PTGES3L: variants seen among roughly 807,000 people sequenced by gnomAD.
The protein encoded by PTGES3L is putative protein PTGES3L.
In PTGES3L, 17 loss-of-function variants were observed where a neutral mutation model predicts 25.0. The observed-to-expected ratio is 0.68, with a 90% CI of 0.47 to 1.02. The LOEUF (loss-of-function observed/expected upper bound fraction) is 1.02. PTGES3L is among the 50% of genes least tolerant of loss of function. PTGES3L has a pLI of 0.00. For synonymous variants in PTGES3L, 59 were observed against 65.7 expected (o/e 0.90, Z 0.50); for missense variants, 202 against 197.5 (o/e 1.02, Z -0.14).
At position 42,969,191 on chromosome 17, in the gene PTGES3L, GGGC is replaced by G. The variant is rs377589025; in HGVS notation, c.433-8_433-6del. 16,250 of 601,994 alleles carry G rather than the reference GGGC, an allele frequency of 0.027. 185 individuals carry two copies. Among genetic ancestry groups the G allele is most frequent in the African/African-American group, 0.073 (1,367 of 18,616 alleles). The allele number at this position is 601,994 out of a possible 1,614,324, so 37.3% of individuals were successfully genotyped here. On this transcript the variant is annotated splice_polypyrimidine_tract_variant and splice_region_variant and intron_variant, in intron 6 of 6. Transcript: ENST00000591916. ...ATCAGCACTGTCAGAATCATCCTGG[GGGC>G]GGGGGGGAAAAAAGACAAAGCACCT...
rs1323510717 is a variant in PTGES3L, at chr17:42,979,984, C to A, written c.8+62G>T. 38 of 1,507,780 alleles carry A rather than the reference C, an allele frequency of 2.5e-5. 1 individual carries two copies. In the Admixed American group the frequency reaches 8.3e-4, roughly 33 times the overall value. The allele number at this position is 1,507,780 out of a possible 1,614,324, so 93.4% of individuals were successfully genotyped here. On this transcript the variant is annotated intron_variant, in intron 1 of 6. Coordinates refer to ENST00000591916, the MANE Select transcript of PTGES3L (RefSeq NM_001261430.2). ...CACAGAACCTGGAGCGCCCAGAAGA[C>A]TTGGAGCAGGGAATCTCCAGGGAAA...
At chr17:42,973,668 G>A (rs2049900522) in intron 4 of PTGES3L, among the ~76,000 whole-genome samples, 1 of 148,664 alleles carries the variant, frequency 6.7e-6, no homozygotes, top group South Asian at 2.1e-4. Context: ...CTTCTGCCTT[G>A]GGATCCTGTT....
At chr17:42,973,604 T>C (rs1338750283) in intron 4 of PTGES3L, among the ~76,000 whole-genome samples, 3 of 151,106 alleles carry the variant, frequency 2.0e-5, no homozygotes, top group Non-Finnish European at 3.0e-5. Context: ...CGTGTCTGTG[T>C]AGAAAGAAGT....
chr17:42,974,065 A>G, intron 4 of PTGES3L, among the ~76,000 whole-genome samples: 1 of 152,144 alleles, frequency 6.6e-6, no homozygotes, highest in East Asian at 1.9e-4. Flanking sequence ...CCAATAAGAC[A>G]GACAAGCTGC....
In PTGES3L at chr17:42,969,195, G is replaced by A. The variant is rs771367214; in HGVS notation, c.433-9C>T. 3.3e-5 allele frequency: 42 copies of A among 1,292,018 alleles called. No homozygotes were observed. Among genetic ancestry groups the A allele is most frequent in the Admixed American group, 8.5e-5 (3 of 35,294 alleles). 80.0% of individuals were successfully genotyped at this position (1,292,018 alleles called of 1,614,324 possible). ...GCACTGTCAGAATCATCCTGGGGGC[G>A]GGGGGGAAAAAAGACAAAGCACCTG... On this transcript the variant is annotated splice_polypyrimidine_tract_variant and intron_variant, in intron 6 of 6. Transcript: ENST00000591916.
intron 4 of PTGES3L, among the ~76,000 whole-genome samples, chr17:42,973,933 T>C (rs1308401972): frequency 1.5e-5 from 2 of 137,750 alleles, no homozygotes; most frequent in Non-Finnish European, 3.1e-5. Flanking sequence ...TTCCCTCCAC[T>C]ATTGTCCCAT....
At chr17:42,978,088 A>AAAAAAC (rs2049993956) in intron 4 of PTGES3L, among the ~76,000 whole-genome samples, 1 of 150,110 alleles carries the variant, frequency 6.7e-6, no homozygotes, top group Non-Finnish European at 1.5e-5. Flanking sequence ...AAAAAAAAAA[A>AAAAAAC]AAAAAAAAAA....
At chr17:42,972,127 G>C (rs559908272) in intron 4 of PTGES3L, 1 of 168,064 alleles carries the variant, frequency 6.0e-6, no homozygotes, top group Non-Finnish European at 1.2e-5. Context: ...GGCGGAGGTC[G>C]CAGTGAGCCA....
chr17:42,975,801 G>T (rs548421277), intron 4 of PTGES3L, among the ~76,000 whole-genome samples: 1 of 132,924 alleles, frequency 7.5e-6, no homozygotes, highest in Non-Finnish European at 1.6e-5. Context: ...CTCAGCCTCC[G>T]GAGCAGCTGG....
chr17:42,971,485 T>C, intron 5 of PTGES3L, 122 bp downstream of exon 5: 1 of 968,648 alleles, frequency 1.0e-6, no homozygotes, highest in South Asian at 1.6e-5. Context: ...CATCAATGAG[T>C]AACCTGCCTA....
At chr17:42,970,122 TC>T (rs1028545271) in intron 6 of PTGES3L, among the ~76,000 whole-genome samples, 166 bp downstream of exon 6, 4 of 151,818 alleles carry the variant, frequency 2.6e-5, no homozygotes, top group African/African-American at 9.7e-5. Context: ...GTGAAACTCC[TC>T]CCCCACCCCC....
chr17:42,971,491 G>A, intron 5 of PTGES3L, 116 bp downstream of exon 5: 1 of 1,076,524 alleles, frequency 9.3e-7, no homozygotes, highest in Non-Finnish European at 1.4e-6. Context: ...TGAGTAACCT[G>A]CCTAGAGAGC....
Position 42,970,295 on chromosome 17 carries a change from A to C in PTGES3L, c.426T>G (p.Asp142Glu). The C allele has an allele frequency of 6.2e-7, 1 of 1,613,926 alleles. No homozygotes were observed. ...AGGGGAAGGCTTTACTTACATCCAA[A>C]TCATCCATGGCAGGTGGAGGTCTCT... The part of the protein sequence containing the change: ...STKRPPPAMD[D>E]LDDDSDSADD... Residue 142 changes from aspartate (D) to glutamate (E), a missense_variant, in exon 6 of 7, where the codon GAT becomes GAG. Asp to Glu is a conservative substitution (Grantham distance 45). Coordinates refer to ENST00000591916, the MANE Select transcript of PTGES3L (RefSeq NM_001261430.2).
chr17:42,970,676 G>GCACGCACA (rs1555565365), intron 5 of PTGES3L, among the ~76,000 whole-genome samples: 1 of 144,092 alleles, frequency 6.9e-6, no homozygotes, highest in Non-Finnish European at 1.5e-5. Context: ...CTTAACACGC[G>GCACGCACA]CACACACACA....
At chr17:42,978,876 T>C (rs2050015224) in intron 4 of PTGES3L, among the ~76,000 whole-genome samples, 1 of 151,678 alleles carries the variant, frequency 6.6e-6, no homozygotes, top group Non-Finnish European at 1.5e-5. Flanking sequence ...GGTGCATGCC[T>C]GTAATCCCAG....
intron 4 of PTGES3L, among the ~76,000 whole-genome samples, chr17:42,977,637 GAA>G (rs1264710192): frequency 3.4e-3 from 90 of 26,114 alleles, no homozygotes; most frequent in Non-Finnish European, 0.013. Flanking sequence ...GAAAAAGAAA[GAA>G]AGAGAGAGAG....
Position 42,979,973 on chromosome 17 carries a change from C to G in PTGES3L, c.8+73G>C, listed in dbSNP as rs915393496. Reference sequence around the variant, plus strand: ...CCGTGGGGCCTCACAGAACCTGGAGCGCCCAGAAGACTTGGAGCAGGGAAT... The same window carrying G: ...CCGTGGGGCCTCACAGAACCTGGAGGGCCCAGAAGACTTGGAGCAGGGAAT... On this transcript the variant is annotated intron_variant, in intron 1 of 6. Transcript: ENST00000591916. 8.8e-6 allele frequency: 13 copies of G among 1,484,376 alleles called. No homozygotes were observed. In the Admixed American group the frequency reaches 9.5e-5, roughly 11 times the overall value. 92.0% of individuals were successfully genotyped at this position (1,484,376 alleles called of 1,614,324 possible).
At chr17:42,971,732 GGGCAGGAGCA>G in intron 4 of PTGES3L, 36 bp from the exon 5 acceptor site, 1 of 1,611,534 alleles carries the variant, frequency 6.2e-7, no homozygotes, top group South Asian at 1.1e-5. Context: ...CAGGCCAGGA[GGGCAGGAGCA>G]GGAGTGTGTG....
Position 42,968,815 on chromosome 17 carries a change from G to T in PTGES3L, c.*333C>A, listed in dbSNP as rs2049777607. The T allele has an allele frequency of 7.5e-6, 2 of 266,702 alleles. No individual in the cohort carries two copies. Among genetic ancestry groups the T allele is most frequent in the Non-Finnish European group, 1.4e-5 (2 of 141,994 alleles). 16.5% of individuals were successfully genotyped at this position (266,702 alleles called of 1,614,324 possible). A position where few individuals can be genotyped will look rare whatever the true frequency, so the allele number is the denominator to read the frequency against. On this transcript the variant is annotated 3_prime_UTR_variant, in exon 7 of 7. Transcript: ENST00000591916. ...CACATAGTAGAGATTTCTATAATCTGCATTCTTCTTTGGCTTTTGTTTTGC... is the reference window on the plus strand; with the variant it reads ...CACATAGTAGAGATTTCTATAATCTTCATTCTTCTTTGGCTTTTGTTTTGC...
Sources: allele counts gnomAD v4.1 joint callset (sites outside exome capture counted in the v4.1 genomes callset), GRCh38; gene constraint gnomAD v4.1.1; transcripts MANE v1.5; gene names NCBI Gene and HGNC (gene_info 2026-07-23, HGNC 2026-07-21).